The following DGKB variants were observed in gnomAD, a reference collection of about 807,000 sequenced individuals.
DGKB encodes diacylglycerol kinase beta.
In DGKB, 67 loss-of-function variants were observed where a neutral mutation model predicts 114.3. The ratio of observed to expected loss-of-function variants is 0.59; its 90% CI spans 0.48 to 0.72. The LOEUF (loss-of-function observed/expected upper bound fraction) is 0.72. Ranked by LOEUF, DGKB falls within the 30% of genes least tolerant of loss-of-function variation. The probability of loss-of-function intolerance (pLI) is 0.00; values close to 1 mark genes in which losing one functional copy is unlikely to be tolerated. For synonymous variants in DGKB, 398 were observed against 323.1 expected (o/e 1.23, Z -2.49); for missense variants, 907 against 975.2 (o/e 0.93, Z 0.93).
intron 21 of DGKB, among the ~76,000 whole-genome samples, chr7:14,382,574 A>G (rs1266481439): frequency 3.3e-5 from 5 of 152,200 alleles, no homozygotes; most frequent in Non-Finnish European, 1.5e-5. Context: ...ATCTCTATTC[A>G]TAGGTATAAC....
chr7:14,498,318 A>ATT (rs773628666), intron 20 of DGKB, among the ~76,000 whole-genome samples: 3 of 151,848 alleles, frequency 2.0e-5, no homozygotes, highest in South Asian at 4.1e-4. Flanking sequence ...CATTTTTAAA[A>ATT]TTGCTCTGCT....
At chr7:14,266,922 T>C (rs2128423478) in intron 23 of DGKB, among the ~76,000 whole-genome samples, 1 of 152,292 alleles carries the variant, frequency 6.6e-6, no homozygotes, top group East Asian at 1.9e-4. Context: ...CTGTAACAGG[T>C]TTTTTGTTTT....
At chr7:14,863,973 C>A (rs1418417785) in intron 1 of DGKB, among the ~76,000 whole-genome samples, 1 of 151,854 alleles carries the variant, frequency 6.6e-6, no homozygotes, top group Non-Finnish European at 1.5e-5. Context: ...GTGGCACATG[C>A]CTGTAATCCC....
At chr7:14,231,089 T>TTCTCTCTC (rs879667379) in intron 23 of DGKB, among the ~76,000 whole-genome samples, 1 of 75,622 alleles carries the variant, frequency 1.3e-5, no homozygotes, top group Non-Finnish European at 2.6e-5. Flanking sequence ...TTCCCTTTCT[T>TTCTCTCTC]TCTTTCTTTC....
At chr7:14,703,233 A>G (rs1825529536) in intron 6 of DGKB, among the ~76,000 whole-genome samples, 1 of 152,236 alleles carries the variant, frequency 6.6e-6, no homozygotes. Context: ...AAAAGCCTAA[A>G]TATATTTCAG....
intron 1 of DGKB, among the ~76,000 whole-genome samples, chr7:14,882,976 C>A (rs530416854): frequency 2.8e-4 from 43 of 151,832 alleles, no homozygotes; most frequent in South Asian, 1.0e-3. Context: ...ATTTATATTT[C>A]TATATGAAAT....
chr7:14,318,928 A>C (rs930062139), intron 23 of DGKB, among the ~76,000 whole-genome samples: 1 of 152,184 alleles, frequency 6.6e-6, no homozygotes, highest in Non-Finnish European at 1.5e-5. Flanking sequence ...AAAATGTGGC[A>C]CATATACACC....
At chr7:14,428,369 G>A (rs1225852221) in intron 21 of DGKB, among the ~76,000 whole-genome samples, 7 of 151,798 alleles carry the variant, frequency 4.6e-5, no homozygotes, top group Non-Finnish European at 1.0e-4. Flanking sequence ...TCCTGGTTTG[G>A]GTTTTATCTT....
At chr7:14,341,397 T>C (rs566040933) in intron 22 of DGKB, among the ~76,000 whole-genome samples, 1 of 151,846 alleles carries the variant, frequency 6.6e-6, no homozygotes, top group Non-Finnish European at 1.5e-5. Flanking sequence ...GTGAAGGCTA[T>C]GAAATATAAA....
intron 23 of DGKB, among the ~76,000 whole-genome samples, chr7:14,189,553 T>C (rs1278915791): frequency 6.6e-6 from 1 of 152,074 alleles, no homozygotes; most frequent in African/African-American, 2.4e-5. Flanking sequence ...GAAGTACTTA[T>C]CTAACAATAA....
At chr7:14,900,479 C>A (rs1782837946) in intron 1 of DGKB, among the ~76,000 whole-genome samples, 1 of 152,028 alleles carries the variant, frequency 6.6e-6, no homozygotes, top group African/African-American at 2.4e-5. Context: ...TCATTTCAAG[C>A]CTATAGATCA....
At chr7:14,755,049 GTTTC>G (rs1282732352) in intron 3 of DGKB, among the ~76,000 whole-genome samples, 1 of 152,096 alleles carries the variant, frequency 6.6e-6, no homozygotes, top group Non-Finnish European at 1.5e-5. Flanking sequence ...TCTTAAAATA[GTTTC>G]TTTATTTAAA....
rs1470703016 is a variant in DGKB at position 14,695,128 on chromosome 7, A to G, written c.592-934T>C. On this transcript the variant is annotated intron_variant, in intron 8 of 25. Transcript: ENST00000402815. ...AAATATTTGATTTGTTGGTAGAAGT[A>G]TTGTCTGCCTAGACACTCTTGTGCT... 2.0e-5 allele frequency among the ~76,000 whole-genome samples: 3 copies of G among 152,192 alleles called. No individual in the cohort carries two copies. In the East Asian group the frequency reaches 5.8e-4, roughly 29 times the overall value.
intron 18 of DGKB, among the ~76,000 whole-genome samples, chr7:14,582,578 G>C (rs1800101140): frequency 6.6e-6 from 1 of 152,018 alleles, no homozygotes. Flanking sequence ...AGAGTTGTGA[G>C]GAATAAACAA....
intron 20 of DGKB, among the ~76,000 whole-genome samples, chr7:14,529,711 G>T (rs10267996): frequency 0.18 from 26,692 of 151,634 alleles, 3,623 homozygotes; most frequent in East Asian, 0.54. Context: ...TTGACATAGT[G>T]TTAATATCAT....
At chr7:14,536,781 A>G (rs1792571228) in intron 20 of DGKB, among the ~76,000 whole-genome samples, 1 of 151,928 alleles carries the variant, frequency 6.6e-6, no homozygotes, top group Admixed American at 6.6e-5. Flanking sequence ...AAGGATGCTC[A>G]TTCTCACCAC....
At chr7:14,513,493 TCAAA>T (rs141253461) in intron 20 of DGKB, among the ~76,000 whole-genome samples, 2,891 of 152,090 alleles carry the variant, frequency 0.019, 100 homozygotes, top group African/African-American at 0.065. Context: ...TTTAAGACAG[TCAAA>T]CAGTCTCATT....
At chr7:14,551,137 G>A (rs1330772910) in intron 20 of DGKB, among the ~76,000 whole-genome samples, 2 of 152,156 alleles carry the variant, frequency 1.3e-5, no homozygotes, top group African/African-American at 4.8e-5. Context: ...GGCAGAATAA[G>A]AGGCTCTTAG....
chr7:14,379,001 A>G (rs75117155), intron 21 of DGKB, among the ~76,000 whole-genome samples: 1 of 151,948 alleles, frequency 6.6e-6, no homozygotes, highest in Non-Finnish European at 1.5e-5. Context: ...AAAGTAAAGC[A>G]TAATGAGATT....
Sources: allele counts gnomAD v4.1 joint callset (sites outside exome capture counted in the v4.1 genomes callset), GRCh38; gene constraint gnomAD v4.1.1; transcripts MANE v1.5; gene names NCBI Gene and HGNC (gene_info 2026-07-23, HGNC 2026-07-21).